Variants in ACTA2 observed in about 807,000 individuals in gnomAD.
ACTA2 encodes actin, aortic smooth muscle.
Under a neutral mutation model 39.5 loss-of-function variants are expected in ACTA2, and 12 were observed. The ratio of observed to expected loss-of-function variants is 0.30; its 90% CI spans 0.19 to 0.49. The LOEUF (loss-of-function observed/expected upper bound fraction) is 0.49, where lower values mean the gene tolerates loss of function less well. Among genes scored for constraint, ACTA2 ranks in the 20% least tolerant of loss-of-function variants. ACTA2 has a pLI of 0.99. For synonymous variants in ACTA2, 158 were observed against 180.6 expected (o/e 0.88, Z 1.00); for missense variants, 236 against 498.8 (o/e 0.47, Z 5.02).
intron 2 of ACTA2, 67 bp from the exon 3 acceptor site, chr10:88,947,453 A>G (rs1173151433): frequency 6.2e-7 from 1 of 1,605,622 alleles, no homozygotes; most frequent in Non-Finnish European, 8.5e-7. Flanking sequence ...CAGCCAAGCC[A>G]CAAAAGGTTA....
intron 1 of ACTA2, among the ~76,000 whole-genome samples, chr10:88,966,565 A>C (rs1346326131): frequency 1.3e-5 from 2 of 152,218 alleles, no homozygotes; most frequent in African/African-American, 4.8e-5. Flanking sequence ...CTGTGAGGTA[A>C]TAAGCAGAAG....
At chr10:88,963,621 A>G (rs1267263377) in intron 1 of ACTA2, among the ~76,000 whole-genome samples, 1 of 152,156 alleles carries the variant, frequency 6.6e-6, no homozygotes, top group African/African-American at 2.4e-5. Flanking sequence ...CTTTTGGATC[A>G]CTGTAGTGTT....
chr10:88,941,617 T>G (rs1431838264), intron 5 of ACTA2, among the ~76,000 whole-genome samples, 168 bp downstream of exon 5: 1 of 152,126 alleles, frequency 6.6e-6, no homozygotes, highest in African/African-American at 2.4e-5. Context: ...GCTAGAAATA[T>G]GAGATCAAGG....
chr10:88,955,068 G>A (rs112551690), upstream of ACTA2, among the ~76,000 whole-genome samples: 4 of 150,382 alleles, frequency 2.7e-5, no homozygotes, highest in African/African-American at 7.3e-5. Flanking sequence ...CAGTAGTGTC[G>A]GATAACTTGG....
chr10:88,963,646 C>A (rs1019365397), intron 1 of ACTA2, among the ~76,000 whole-genome samples: 2 of 152,044 alleles, frequency 1.3e-5, no homozygotes, highest in Non-Finnish European at 2.9e-5. Flanking sequence ...CGTCTCTGTC[C>A]CTGGAGGGTG....
chr10:88,965,278 G>GCC (rs142562970), intron 1 of ACTA2, among the ~76,000 whole-genome samples: 8,987 of 152,114 alleles, frequency 0.059, 863 homozygotes, highest in African/African-American at 0.2. Context: ...AGGGCACCCT[G>GCC]CCCTTCTACA....
chr10:88,949,630 A>G (rs1431974724), intron 1 of ACTA2, among the ~76,000 whole-genome samples: 2 of 152,168 alleles, frequency 1.3e-5, no homozygotes, highest in Non-Finnish European at 2.9e-5. Flanking sequence ...CAGTCCAACA[A>G]GTGAGGGTGA....
At chr10:88,947,039 G>C in intron 3 of ACTA2, 1 of 532,508 alleles carries the variant, frequency 1.9e-6, no homozygotes. Flanking sequence ...ATGGTTTCCA[G>C]CTTCATCCAT....
At chr10:88,957,557 C>T (rs1446677664), upstream of ACTA2, among the ~76,000 whole-genome samples, 1 of 152,182 alleles carries the variant, frequency 6.6e-6, no homozygotes, top group Admixed American at 6.5e-5. Flanking sequence ...GCCAACATTG[C>T]CCCGGTGATA....
Position 88,990,405 on chromosome 10 carries a change from A to G in ACTA2, c.-24+534T>C, listed in dbSNP as rs1013189911. The G allele has an allele frequency of 4.0e-5, 18 of 445,952 alleles. No individual in the cohort carries two copies. Among genetic ancestry groups the G allele is most frequent in the Admixed American group, 3.7e-4 (12 of 32,440 alleles). 27.6% of individuals were successfully genotyped at this position (445,952 alleles called of 1,614,324 possible). ...TACAGCAGAAGCCTTTAGAAAGGGC[A>G]GGAGGCCGGCTCTCGAGGTCCTCAC... On this transcript the variant is annotated intron_variant, in intron 1 of 4. Coordinates refer to the ACTA2 transcript ENST00000415557. This position sits in a 1 kb window ranked among gnomAD's most constrained non-coding sequence, Gnocchi z 4.9.
intron 1 of ACTA2, among the ~76,000 whole-genome samples, chr10:88,972,886 A>C (rs1397296890): frequency 6.6e-6 from 1 of 152,178 alleles, no homozygotes; most frequent in Non-Finnish European, 1.5e-5. Flanking sequence ...TGAGACTCTT[A>C]CAGGTAATTT....
upstream of ACTA2, among the ~76,000 whole-genome samples, chr10:88,953,605 G>A (rs112012753): frequency 6.6e-6 from 1 of 152,284 alleles, no homozygotes; most frequent in African/African-American, 2.4e-5. Flanking sequence ...TCCTTGACAG[G>A]AAGTAGAGAG....
intron 1 of ACTA2, chr10:88,974,898 C>T (rs1846528696): frequency 1.3e-5 from 2 of 152,296 alleles, no homozygotes; most frequent in South Asian, 2.1e-4. Context: ...AATGCTAGAT[C>T]ACTGTAATAC....
intron 8 of ACTA2, among the ~76,000 whole-genome samples, chr10:88,937,545 G>T (rs1019173032): frequency 2.6e-4 from 39 of 152,156 alleles, no homozygotes; most frequent in Admixed American, 9.8e-4. Flanking sequence ...GTCATTCTGT[G>T]CTTTTGAGCA....
At chr10:88,940,701 G>A (rs955524212) in intron 6 of ACTA2, 1 of 211,378 alleles carries the variant, frequency 4.7e-6, no homozygotes, top group Non-Finnish European at 9.7e-6. Flanking sequence ...AAGTATCACT[G>A]TTAATAGCTA....
At chr10:88,975,415 G>A (rs932257330) in intron 1 of ACTA2, among the ~76,000 whole-genome samples, 1 of 152,176 alleles carries the variant, frequency 6.6e-6, no homozygotes, top group South Asian at 2.1e-4. Flanking sequence ...GTACCTGAAA[G>A]TGTTTGTTTT....
rs112402745 is a variant in ACTA2, at chr10:88,943,732, T to C, written c.369+65A>G. On this transcript the variant is annotated intron_variant, in intron 4 of 8. Coordinates refer to ENST00000224784, the MANE Select transcript of ACTA2 (RefSeq NM_001613.4). The stretch of plus-strand genomic sequence containing the variant: ...CCGGCCTTCTCTCTGCTGTGCTGCA[T>C]AGCCTCCTTCTAACAGAAGTTTCCC... The C allele has an allele frequency of 1.3e-3, 1,743 of 1,370,682 alleles. 14 individuals carry two copies. The African/African-American group carries it at 0.021, about 16-fold the overall frequency. 84.9% of individuals were successfully genotyped at this position (1,370,682 alleles called of 1,614,324 possible).
At position 88,943,891 on chromosome 10, in the gene ACTA2, A is replaced by C; in HGVS notation, c.275T>G (p.Phe92Cys). 1 of 1,613,996 alleles carries C rather than the reference A, an allele frequency of 6.2e-7. No homozygotes were observed. Among genetic ancestry groups the C allele is most frequent in the Non-Finnish European group, 8.5e-7 (1 of 1,179,912 alleles). Residue 92 changes from phenylalanine (F) to cysteine (C), a missense_variant, in exon 4 of 9, where the codon TTC becomes TGC. Transcript: ENST00000224784. ...DDMEKIWHHS[F>C]YNELRVAPEE... ...AGGGGCAACACGAAGCTCATTGTAG[A>C]AAGAGTGGTGCCAGATCTAGTGAGT...
chr10:88,945,778 A>G (rs1447403283), intron 3 of ACTA2, among the ~76,000 whole-genome samples: 1 of 152,234 alleles, frequency 6.6e-6, no homozygotes, highest in Non-Finnish European at 1.5e-5. Flanking sequence ...ACTATAGTGA[A>G]AACAAAAACA....
Sources: gnomAD v4.1 joint callset for allele counts (sites outside exome capture counted in the v4.1 genomes callset) on GRCh38, gnomAD v4.1.1 for gene constraint, Gnocchi (gnomAD v3.1) non-coding constraint, MANE v1.5 for transcripts, NCBI Gene and HGNC (gene_info 2026-07-23, HGNC 2026-07-21) for gene names.